The following TMC5 variants were observed in gnomAD, a reference collection of about 807,000 sequenced individuals.
The protein encoded by TMC5 is transmembrane channel-like protein 5.
A neutral mutation model predicts 110.5 loss-of-function variants in TMC5; 86 were observed. The observed-to-expected ratio is 0.78, with a 90% CI of 0.65 to 0.93. TMC5 has a LOEUF of 0.93. Ranked by LOEUF, TMC5 falls within the 40% of genes least tolerant of loss-of-function variation. The pLI is 0.00. For missense variants in TMC5, 1,144 were observed against 1,222.8 expected (o/e 0.94, Z 0.96); for synonymous variants, 455 against 439.5 (o/e 1.04, Z -0.44).
intron 15 of TMC5, among the ~76,000 whole-genome samples, chr16:19,485,129 T>A (rs1485922778): frequency 3.6e-5 from 5 of 139,852 alleles, no homozygotes; most frequent in Admixed American, 3.5e-4. Flanking sequence ...TTTTTTTTTT[T>A]ACTCAAATAA....
chr16:19,455,575 C>T (rs918377555), intron 5 of TMC5, among the ~76,000 whole-genome samples: 12 of 152,138 alleles, frequency 7.9e-5, no homozygotes, highest in African/African-American at 1.9e-4. Context: ...AGCAGGTGAA[C>T]GTTCGTTCTC....
intron 12 of TMC5, among the ~76,000 whole-genome samples, chr16:19,476,233 G>C (rs1968485392): frequency 2.0e-5 from 3 of 152,080 alleles, no homozygotes; most frequent in Non-Finnish European, 4.4e-5. Context: ...TGTAGTCCCA[G>C]CTACTCAGGT....
chr16:19,467,464 G>A (rs753193224), intron 9 of TMC5, among the ~76,000 whole-genome samples: 1 of 151,986 alleles, frequency 6.6e-6, no homozygotes, highest in Non-Finnish European at 1.5e-5. Flanking sequence ...TTAAAAAAAT[G>A]TAATTACCAC....
chr16:19,428,308 CTTTT>C (rs34374548), intron 1 of TMC5, among the ~76,000 whole-genome samples: 2 of 131,474 alleles, frequency 1.5e-5, no homozygotes, highest in Non-Finnish European at 1.6e-5. Context: ...TTTCCCAATT[CTTTT>C]TTTTTTTTTT....
intron 13 of TMC5, among the ~76,000 whole-genome samples, chr16:19,478,524 A>T (rs1027950027): frequency 6.6e-6 from 1 of 151,910 alleles, no homozygotes; most frequent in African/African-American, 2.4e-5. Context: ...GCATCTATTC[A>T]TCTGTCCATC....
intron 4 of TMC5, among the ~76,000 whole-genome samples, chr16:19,448,304 GCA>G (rs35504788): frequency 0.62 from 88,549 of 142,030 alleles, 27,692 homozygotes; most frequent in South Asian, 0.74. Context: ...ACACACACAC[GCA>G]CACACACACA....
At chr16:19,492,915 G>GATATATATATGTATATATATAT (rs1968945110) in intron 19 of TMC5, among the ~76,000 whole-genome samples, 1 of 42,752 alleles carries the variant, frequency 2.3e-5, no homozygotes. Flanking sequence ...TTAAAACTTA[G>GATATATATATGTATATATATAT]ATATATATAT....
At chr16:19,434,465 T>C (rs1432851427) in intron 2 of TMC5, among the ~76,000 whole-genome samples, 1 of 56,824 alleles carries the variant, frequency 1.8e-5, no homozygotes, top group African/African-American at 1.1e-4. Flanking sequence ...TCTATATCTA[T>C]AGATAGATAG....
chr16:19,495,684 A>T (rs1969034407), intron 20 of TMC5, among the ~76,000 whole-genome samples: 1 of 152,020 alleles, frequency 6.6e-6, no homozygotes, highest in African/African-American at 2.4e-5. Flanking sequence ...CCCTTAAAAA[A>T]TTTTAATAAT....
In TMC5 at chr16:19,463,935, C is replaced by T. The variant is rs1321749596; in HGVS notation, c.1396C>T (p.Leu466=). The part of the protein sequence containing the change: ...LLKFNIFSFI[L]NFSFIIIPQF... ...GAAGTTCAACATTTTCTCATTCATC[C>T]TGAACTTCAGCTTCATCATAATCCC... Residue 466 remains leucine, a synonymous_variant, in exon 8 of 22, where the codon CTG becomes TTG. Transcript: ENST00000542583. 11 of 1,614,012 alleles carry T rather than the reference C, an allele frequency of 6.8e-6. No homozygotes were observed. Among genetic ancestry groups the T allele is most frequent in the South Asian group, 1.1e-5 (1 of 91,094 alleles).
At chr16:19,419,923 C>T (rs532962298) in intron 1 of TMC5, among the ~76,000 whole-genome samples, 1 of 152,222 alleles carries the variant, frequency 6.6e-6, no homozygotes, top group South Asian at 2.1e-4. Flanking sequence ...TTCATCATTC[C>T]CAGAGATAAA....
intron 6 of TMC5, among the ~76,000 whole-genome samples, chr16:19,461,974 G>A (rs1246605608): frequency 6.6e-6 from 1 of 152,150 alleles, no homozygotes; most frequent in East Asian, 1.9e-4. Context: ...GAGAGAGGGG[G>A]CATTTGAGCT....
intron 19 of TMC5, among the ~76,000 whole-genome samples, chr16:19,493,465 C>CTCTGTCTTTTT (rs71375644): frequency 1.3e-5 from 1 of 74,788 alleles, no homozygotes; most frequent in South Asian, 5.8e-4. Flanking sequence ...CTCTCTCTCT[C>CTCTGTCTTTTT]TTTTTTTTTT....
At chr16:19,431,699 T>C (rs971098871) in intron 2 of TMC5, among the ~76,000 whole-genome samples, 1 of 152,106 alleles carries the variant, frequency 6.6e-6, no homozygotes, top group Admixed American at 6.6e-5. Flanking sequence ...GTCTTTCAGG[T>C]AATAAATGGC....
At position 19,460,313 on chromosome 16, in the gene TMC5, T is replaced by A. The variant is rs915839289; in HGVS notation, c.1127T>A (p.Met376Lys). 3.1e-6 allele frequency: 5 copies of A among 1,613,554 alleles called. No homozygotes were observed. The highest frequency in any genetic ancestry group is 4.2e-6 in the Non-Finnish European group (5 of 1,179,690). ...IKAIRNQPRT[M>K]EEKRNLRKIV... The stretch of plus-strand genomic sequence containing the variant: ...GCCATCAGGAACCAGCCAAGGACCA[T>A]GGAAGAGAAAAGGAACCTTAGGTAT... The change falls in exon 6 of 22, where the codon ATG becomes AAG. Residue 376 changes from methionine (M) to lysine (K), a missense_variant. By Grantham distance (95) the Met-to-Lys change is moderately conservative. Transcript: ENST00000542583.
intron 3 of TMC5, 28 bp from the exon 4 acceptor site, chr16:19,444,053 G>T (rs1167825030): frequency 6.2e-7 from 1 of 1,606,882 alleles, no homozygotes; most frequent in Non-Finnish European, 8.5e-7. Flanking sequence ...CTCTTGGTTG[G>T]ATAGTGATCC....
chr16:19,448,081 G>T (rs992864810), intron 4 of TMC5, among the ~76,000 whole-genome samples: 2 of 151,148 alleles, frequency 1.3e-5, no homozygotes, highest in Non-Finnish European at 2.9e-5. Flanking sequence ...ACTTGAACCC[G>T]GGAGGCAGAG....
chr16:19,456,398 C>T (rs1967873201), intron 5 of TMC5: 2 of 955,260 alleles, frequency 2.1e-6, no homozygotes, highest in Non-Finnish European at 2.6e-6. Flanking sequence ...TTCTAGAATC[C>T]CATTGTCTTA....
intron 2 of TMC5, among the ~76,000 whole-genome samples, chr16:19,433,088 A>G (rs1967228423): frequency 6.6e-6 from 1 of 152,206 alleles, no homozygotes; most frequent in South Asian, 2.1e-4. Context: ...CAAAGATTCA[A>G]AACAAAGACC....
Sources: gnomAD v4.1 joint callset for allele counts (sites outside exome capture counted in the v4.1 genomes callset) on GRCh38, gnomAD v4.1.1 for gene constraint, MANE v1.5 for transcripts, NCBI Gene and HGNC (gene_info 2026-07-23, HGNC 2026-07-21) for gene names.